The following NOP9 variants were observed in gnomAD, a reference collection of about 807,000 sequenced individuals.
NOP9 encodes the protein NOP9 nucleolar protein.
NOP9 carries 50 observed loss-of-function variants against 63.0 expected under a neutral mutation model. The observed-to-expected ratio is 0.79, with a 90% CI of 0.63 to 1.00. The LOEUF (loss-of-function observed/expected upper bound fraction) is 1.00, where lower values mean the gene tolerates loss of function less well. NOP9 is among the 50% of genes least tolerant of loss of function. NOP9 has a pLI of 0.00. For missense variants in NOP9, 758 were observed against 803.0 expected (o/e 0.94, Z 0.68); for synonymous variants, 343 against 332.8 (o/e 1.03, Z -0.33).
the NOP9 span, among the ~76,000 whole-genome samples, chr14:24,277,138 C>T: frequency 2.6e-5 from 4 of 151,970 alleles, no homozygotes; most frequent in East Asian, 1.9e-4. Context: ...GATGCAGGGA[C>T]GAAGGGAACT....
the NOP9 span, among the ~76,000 whole-genome samples, chr14:24,281,547 G>A: frequency 6.6e-6 from 1 of 152,220 alleles, no homozygotes; most frequent in South Asian, 2.1e-4. Context: ...GGAAATGGAT[G>A]AAGACATCTA....
chr14:24,295,651 C>T (rs2041236881), upstream of NOP9, among the ~76,000 whole-genome samples: 3 of 152,206 alleles, frequency 2.0e-5, no homozygotes, highest in South Asian at 6.2e-4. Flanking sequence ...TCTTTGGAGG[C>T]TATGGTCATG....
the NOP9 span, among the ~76,000 whole-genome samples, chr14:24,273,031 T>C: frequency 6.6e-6 from 1 of 152,258 alleles, no homozygotes; most frequent in Non-Finnish European, 1.5e-5. Context: ...AAGAAGGTTT[T>C]CTGGTGGAGC....
Position 24,304,055 on chromosome 14 carries a change from A to G in NOP9, c.1425A>G (p.Ala475=), listed in dbSNP as rs367888328. Residue 475 remains alanine, a synonymous_variant, in exon 8 of 10, where the codon GCA becomes GCG. Transcript: ENST00000267425. ...VPAEHQVAMA[A]ARALGDVTVL... is the part of the protein sequence containing the mutation. The stretch of plus-strand genomic sequence containing the variant: ...TGCGCTGCCAGGTGGCAATGGCCGC[A>G]GCCAGAGCCTTGGGGGATGTGACAG... 1.3e-4 allele frequency: 217 copies of G among 1,613,958 alleles called. No individual in the cohort carries two copies. Among genetic ancestry groups the G allele is most frequent in the Non-Finnish European group, 1.6e-4 (187 of 1,179,908 alleles).
chr14:24,283,244 A>G, the NOP9 span, among the ~76,000 whole-genome samples: 1 of 152,192 alleles, frequency 6.6e-6, no homozygotes, highest in Non-Finnish European at 1.5e-5. Context: ...ATGGCTTGCC[A>G]TTGTACATAT....
the NOP9 span, among the ~76,000 whole-genome samples, chr14:24,276,342 A>T: frequency 6.8e-6 from 1 of 147,272 alleles, no homozygotes; most frequent in African/African-American, 2.5e-5. Context: ...ATGCCACTGC[A>T]CTCTAGCCTG....
At chr14:24,275,155 G>T in the NOP9 span, among the ~76,000 whole-genome samples, 1 of 151,960 alleles carries the variant, frequency 6.6e-6, no homozygotes, top group African/African-American at 2.4e-5. Context: ...CAGGTGAGCT[G>T]CCTGCCTCGG....
At chr14:24,299,735 A>T (rs1444354965), upstream of NOP9, 5 of 516,136 alleles carry the variant, frequency 9.7e-6, no homozygotes, top group Non-Finnish European at 1.0e-5. Flanking sequence ...AGAGGGGCAG[A>T]GTCCCAGGCC....
chr14:24,274,163 C>G, the NOP9 span, among the ~76,000 whole-genome samples: 1 of 152,148 alleles, frequency 6.6e-6, no homozygotes, highest in East Asian at 1.9e-4. Context: ...CTCTAGCTTC[C>G]TGCTCTGTGC....
chr14:24,292,798 C>A, the NOP9 span: 1 of 1,607,768 alleles, frequency 6.2e-7, no homozygotes. Context: ...GAAGGTGGGG[C>A]AAGGGAAGAA....
chr14:24,303,156 T>A lies in NOP9; in HGVS notation c.1226T>A (p.Val409Glu), dbSNP rs781437326. ...CACCCAGGGGTAGTCATTGCCCTGG[T>A]GGGGGCCTGTCGCAGAGTTGGGGCC... ...QGHPGVVIAL[V>E]GACRRVGAYQ... Residue 409 changes from valine to glutamate, a missense_variant, in exon 6 of 10, where the codon GTG (valine) becomes GAG (glutamate). Coordinates refer to ENST00000267425, the MANE Select transcript of NOP9 (RefSeq NM_174913.3). 6.2e-7 allele frequency: 1 copy of A among 1,613,876 alleles called. No individual in the cohort carries two copies.
At position 24,306,739 on chromosome 14, in the gene NOP9, T is replaced by C; in HGVS notation, c.*1644T>C. 1.7e-6 allele frequency: 1 copy of C among 582,122 alleles called. No individual in the cohort carries two copies. The highest frequency in any genetic ancestry group is 3.0e-6 in the Non-Finnish European group (1 of 330,264). The allele number at this position is 582,122 out of a possible 1,614,324, so 36.1% of individuals were successfully genotyped here. ...ACCTTTTTCCTCTTTGCTCCTACCA[T>C]GTCATTGGCATCTCCCCTTGCTCCC... On this transcript the variant is annotated 3_prime_UTR_variant, in exon 10 of 10. Transcript: ENST00000267425.
rs774237126 is a variant in NOP9, at chr14:24,302,424, G to A, written c.1143G>A (p.Leu381=). 2 of 1,603,562 alleles carry A rather than the reference G, an allele frequency of 1.2e-6. No homozygotes were observed. The highest frequency in any genetic ancestry group is 8.5e-7 in the Non-Finnish European group (1 of 1,172,590). ...TGGATGCAGTCACTACCCCTGAGCT[G>A]GTGAGTTGGAAACCTGAGCTGGATC... ...RLLDAVTTPE[L]LSPVFEELSP... is the part of the protein sequence containing the mutation. The change falls in exon 5 of 10, where the codon CTG becomes CTA. Residue 381 remains leucine (L), a splice_region_variant and synonymous_variant. Coordinates refer to ENST00000267425, the MANE Select transcript of NOP9 (RefSeq NM_174913.3).
At chr14:24,303,275 T>G in intron 6 of NOP9, 61 bp downstream of exon 6, 1 of 1,599,456 alleles carries the variant, frequency 6.3e-7, no homozygotes, top group Non-Finnish European at 8.6e-7. Flanking sequence ...CTTTTAGGAC[T>G]TATCTAATCT....
In NOP9 at chr14:24,304,520, C is replaced by T. The variant is rs558942777; in HGVS notation, c.1675C>T (p.Arg559Cys). 26 of 1,612,944 alleles carry T rather than the reference C, an allele frequency of 1.6e-5. No homozygotes were observed. The highest frequency in any genetic ancestry group is 4.4e-5 in the South Asian group (4 of 90,876). ...KGQYVALACS[R>C]HGSRVLDAIW... Reference sequence around the variant, plus strand: ...ACAATATGTGGCTCTGGCCTGTAGTCGCCATGGCAGCCGTGTGCTAGATGC... The same window carrying T: ...ACAATATGTGGCTCTGGCCTGTAGTTGCCATGGCAGCCGTGTGCTAGATGC... The change falls in exon 9 of 10, where the codon CGC becomes TGC. Residue 559 changes from arginine to cysteine, a missense_variant. Arg to Cys is a radical substitution (Grantham distance 180). Transcript: ENST00000267425.
chr14:24,283,980 C>A, the NOP9 span, among the ~76,000 whole-genome samples: 1 of 152,218 alleles, frequency 6.6e-6, no homozygotes, highest in Non-Finnish European at 1.5e-5. Context: ...CTGAGGAGGA[C>A]CCCTAGGCCA....
chr14:24,291,410 G>A, the NOP9 span: 1 of 1,079,266 alleles, frequency 9.3e-7, no homozygotes. Context: ...CCTCAAACTG[G>A]GAATGCTGAC....
At chr14:24,275,659 AGCCCTGGGTCAGGGCCCTGGGCCAGG>A in the NOP9 span, among the ~76,000 whole-genome samples, 48 of 152,342 alleles carry the variant, frequency 3.2e-4, no homozygotes, top group Non-Finnish European at 3.5e-4. Context: ...GGGGGCCACG[AGCCCTGGGTCAGGGCCCTGGGCCAGG>A]GCCCTGGGTC....
chr14:24,306,224 G>T lies in NOP9; in HGVS notation c.*1129G>T. On this transcript the variant is annotated 3_prime_UTR_variant, in exon 10 of 10. Transcript: ENST00000267425. ...TCAGCACTGGGTCAGACCCTCCCTC[G>T]CTTGGACTTTCTGTCCACTGTGTGA... 6.6e-7 allele frequency: 1 copy of T among 1,525,454 alleles called. No homozygotes were observed. The allele number at this position is 1,525,454 out of a possible 1,614,324, so 94.5% of individuals were successfully genotyped here.
Sources: gnomAD v4.1 joint callset for allele counts (sites outside exome capture counted in the v4.1 genomes callset) on GRCh38, gnomAD v4.1.1 for gene constraint, MANE v1.5 for transcripts, NCBI Gene and HGNC (gene_info 2026-07-23, HGNC 2026-07-21) for gene names.